Variants in HCN1 observed in about 807,000 individuals in gnomAD.
HCN1 encodes the protein hyperpolarization activated cyclic nucleotide gated potassium channel 1.
Under a neutral mutation model 78.9 loss-of-function variants are expected in HCN1, and 13 were observed. That is an observed-to-expected ratio of 0.16 (90% confidence interval 0.11 to 0.26). The LOEUF (loss-of-function observed/expected upper bound fraction) is 0.26, where lower values mean the gene tolerates loss of function less well. Ranked by LOEUF, HCN1 falls within the 10% of genes least tolerant of loss-of-function variation. The pLI is 1.00. For missense variants in HCN1, 810 were observed against 1,154.3 expected, an observed-to-expected ratio of 0.70 and a Z score of 4.32; for synonymous variants, 552 against 455.5, an observed-to-expected ratio of 1.21 and a Z score of -2.70.
intron 6 of HCN1, among the ~76,000 whole-genome samples, chr5:45,291,659 G>GC (rs1214019118): frequency 3.3e-5 from 5 of 151,682 alleles, no homozygotes; most frequent in Admixed American, 3.3e-4. Flanking sequence ...CCCACTTCAG[G>GC]CCCCCCAAGT....
chr5:45,596,430 T>G (rs1023377392), intron 2 of HCN1, among the ~76,000 whole-genome samples: 1 of 152,206 alleles, frequency 6.6e-6, no homozygotes, highest in Non-Finnish European at 1.5e-5. Flanking sequence ...CTGAAATCTA[T>G]AATTTATTTA....
rs184219575 is a variant in HCN1, at chr5:45,553,026, G to A, written c.850-91019C>T. Among the ~76,000 whole-genome samples, 207 of 151,948 alleles carry A rather than the reference G, an allele frequency of 1.4e-3. 1 individual carries two copies. Among genetic ancestry groups the A allele is most frequent in the Non-Finnish European group, 2.0e-3 (138 of 67,924 alleles). On this transcript the variant is annotated intron_variant, in intron 2 of 7. Transcript: ENST00000303230. ...ATATGCTGATTACTTCAAACTCAGA[G>A]CACCTGGGAAAAGCACAAGCATGAA... is the stretch of plus-strand genomic sequence containing the variant.
chr5:45,310,834 TA>T (rs1745837897), intron 5 of HCN1, among the ~76,000 whole-genome samples: 1 of 152,110 alleles, frequency 6.6e-6, no homozygotes, highest in Non-Finnish European at 1.5e-5. Context: ...TATGCAGCCA[TA>T]AAAAAGAATG....
intron 2 of HCN1, among the ~76,000 whole-genome samples, chr5:45,603,435 G>A (rs915134827): frequency 2.0e-5 from 3 of 152,196 alleles, no homozygotes; most frequent in African/African-American, 7.2e-5. Context: ...TTTGTTAAAA[G>A]ATTATGTAAT....
At chr5:45,534,398 G>A (rs1459406767) in intron 2 of HCN1, among the ~76,000 whole-genome samples, 1 of 49,256 alleles carries the variant, frequency 2.0e-5, no homozygotes, top group Non-Finnish European at 3.5e-5. Context: ...GAGTGAGACT[G>A]CATCTCAAAA....
At chr5:45,399,096 C>G (rs1045162439) in intron 3 of HCN1, among the ~76,000 whole-genome samples, 10 of 152,236 alleles carry the variant, frequency 6.6e-5, no homozygotes, top group Non-Finnish European at 1.3e-4. Flanking sequence ...AAGCTCTCTA[C>G]TCACCATGGG....
rs1186824624 is a variant in HCN1 at position 45,695,956 on chromosome 5, G to A, written c.138C>T (p.Gly46=). ...TGCCGTGCTCCTTCGCGCCGGCCCC[G>A]CCGCCCCCCGGCGGGGTGCCCAGGC... The part of the protein sequence containing the change: ...EKRLGTPPGG[G]GAGAKEHGNS... The change falls in exon 1 of 8, where the codon GGC becomes GGT. Residue 46 remains glycine, a synonymous_variant. Transcript: ENST00000303230. 1 of 1,333,088 alleles carries A rather than the reference G, an allele frequency of 7.5e-7. No individual in the cohort carries two copies. Among genetic ancestry groups the A allele is most frequent in the Non-Finnish European group, 9.5e-7 (1 of 1,050,590 alleles). 82.6% of individuals were successfully genotyped at this position (1,333,088 alleles called of 1,614,324 possible). A position where few individuals can be genotyped will look rare whatever the true frequency, so the allele number is the denominator to read the frequency against.
At chr5:45,509,530 C>CA (rs1420970705) in intron 2 of HCN1, among the ~76,000 whole-genome samples, 5 of 152,050 alleles carry the variant, frequency 3.3e-5, no homozygotes, top group Non-Finnish European at 7.4e-5. Context: ...TGTGTTCCTC[C>CA]AACAGTAGGA....
intron 6 of HCN1, among the ~76,000 whole-genome samples, chr5:45,285,258 T>G (rs1745245291): frequency 6.6e-6 from 1 of 152,068 alleles, no homozygotes; most frequent in East Asian, 1.9e-4. Flanking sequence ...CCTTGAAGAT[T>G]TTGTTTAGGC....
rs568901322 is a variant in HCN1, at chr5:45,466,238, A to T, written c.850-4231T>A. On this transcript the variant is annotated intron_variant, in intron 2 of 7. Transcript: ENST00000303230. ...GATGAACTGGATTCATCGGTCTTTC[A>T]ATCTAATAGCTTGTATATAAAACGA... Among the ~76,000 whole-genome samples the T allele has an allele frequency of 8.3e-4, 127 of 152,250 alleles. 1 individual carries two copies. Among genetic ancestry groups the T allele is most frequent in the African/African-American group, 3.0e-3 (126 of 41,544 alleles).
chr5:45,355,085 T>C (rs1746982428), intron 4 of HCN1, among the ~76,000 whole-genome samples: 1 of 152,040 alleles, frequency 6.6e-6, no homozygotes, highest in Non-Finnish European at 1.5e-5. Context: ...TCTAATTGTT[T>C]TTCCTCACAC....
intron 6 of HCN1, among the ~76,000 whole-genome samples, chr5:45,299,643 G>C (rs1370812513): frequency 6.6e-6 from 1 of 151,826 alleles, no homozygotes; most frequent in Non-Finnish European, 1.5e-5. Flanking sequence ...TACTCCTAAA[G>C]AAATAGAAAA....
intron 2 of HCN1, among the ~76,000 whole-genome samples, chr5:45,536,159 C>G (rs1742965537): frequency 1.3e-5 from 2 of 152,212 alleles, no homozygotes; most frequent in Admixed American, 6.5e-5. Flanking sequence ...TATGATGTGT[C>G]TATATATGGT....
chr5:45,375,218 TATA>T (rs1243526672), intron 4 of HCN1, among the ~76,000 whole-genome samples: 25 of 116,326 alleles, frequency 2.1e-4, no homozygotes, highest in South Asian at 1.2e-3. Flanking sequence ...TAATATATAA[TATA>T]ATATTTTATA....
In HCN1 at chr5:45,262,367, G is replaced by A; in HGVS notation, c.2227C>T (p.Pro743Ser). The change falls in exon 8 of 8, where the codon CCG becomes TCG. Residue 743 changes from proline to serine, a missense_variant. Physicochemically the swap from Pro to Ser is moderately conservative, Grantham distance 74. Coordinates refer to ENST00000303230, the MANE Select transcript of HCN1 (RefSeq NM_021072.4). ...GGCTGCTGTGGCTGAGTCTGCGGCG[G>A]CTGGGACTGCTGTACCTGCTGCTGC... is the stretch of plus-strand genomic sequence containing the variant. Reference protein sequence around the residue: ...QPQQQVQQSQPPQTQPQQPSP... With the variant: ...QPQQQVQQSQSPQTQPQQPSP... The A allele has an allele frequency of 6.2e-7, 1 of 1,612,168 alleles. No individual in the cohort carries two copies. Among genetic ancestry groups the A allele is most frequent in the South Asian group, 1.1e-5 (1 of 91,048 alleles).
intron 2 of HCN1, among the ~76,000 whole-genome samples, chr5:45,618,653 T>C (rs1445494457): frequency 6.6e-6 from 1 of 152,114 alleles, no homozygotes; most frequent in Non-Finnish European, 1.5e-5. Flanking sequence ...GTATTCTTTC[T>C]AAACATTAAT....
intron 5 of HCN1, among the ~76,000 whole-genome samples, chr5:45,327,192 T>C (rs545906630): frequency 1.3e-4 from 19 of 151,638 alleles, no homozygotes; most frequent in African/African-American, 4.3e-4. Flanking sequence ...GTTAAGTCTA[T>C]TTGAGGTGAT....
intron 3 of HCN1, among the ~76,000 whole-genome samples, chr5:45,445,445 C>T (rs1030016316): frequency 6.6e-6 from 1 of 152,206 alleles, no homozygotes; most frequent in African/African-American, 2.4e-5. Context: ...GTAGGCTCCA[C>T]CTCTGGGGGC....
chr5:45,510,460 C>T (rs570354154), intron 2 of HCN1, among the ~76,000 whole-genome samples: 29 of 151,908 alleles, frequency 1.9e-4, no homozygotes, highest in Admixed American at 4.6e-4. Flanking sequence ...CTATAGAGTC[C>T]GGCTCACACA....
Sources: allele counts gnomAD v4.1 joint callset (sites outside exome capture counted in the v4.1 genomes callset), GRCh38; gene constraint gnomAD v4.1.1; transcripts MANE v1.5; gene names NCBI Gene and HGNC (gene_info 2026-07-23, HGNC 2026-07-21).